The following SLC12A2 variants were observed in gnomAD, a reference collection of about 807,000 sequenced individuals.
SLC12A2 encodes Na-K-2Cl cotransporter 1.
SLC12A2 carries 67 observed loss-of-function variants against 136.3 expected under a neutral mutation model. That is an observed-to-expected ratio of 0.49 (90% confidence interval 0.40 to 0.60). The LOEUF (loss-of-function observed/expected upper bound fraction) is 0.60. Ranked by LOEUF, SLC12A2 falls within the 20% of genes least tolerant of loss-of-function variation. The pLI is 0.00. For missense variants in SLC12A2, 1,322 were observed against 1,534.7 expected, an observed-to-expected ratio of 0.86 and a Z score of 2.32; for synonymous variants, 619 against 562.9, an observed-to-expected ratio of 1.10 and a Z score of -1.41.
chr5:128,129,161 A>C (rs1017123068), intron 4 of SLC12A2, among the ~76,000 whole-genome samples: 1 of 152,060 alleles, frequency 6.6e-6, no homozygotes, highest in African/African-American at 2.4e-5. Flanking sequence ...TAATTTCAAT[A>C]ACTTTTCTTT....
intron 23 of SLC12A2, among the ~76,000 whole-genome samples, chr5:128,182,607 C>G (rs1226442034): frequency 6.6e-6 from 1 of 152,018 alleles, no homozygotes; most frequent in Non-Finnish European, 1.5e-5. Flanking sequence ...TTATTAATGT[C>G]TTTGTCCATT....
At chr5:128,184,728 T>C (rs771603299) in intron 25 of SLC12A2, 61 bp from the exon 26 acceptor site, 2 of 1,608,354 alleles carry the variant, frequency 1.2e-6, no homozygotes, top group Non-Finnish European at 8.5e-7. Context: ...TATAGTTTTA[T>C]GAACCATGCT....
At chr5:128,102,874 G>C (rs1183024136) in intron 1 of SLC12A2, among the ~76,000 whole-genome samples, 1 of 151,508 alleles carries the variant, frequency 6.6e-6, no homozygotes, top group Non-Finnish European at 1.5e-5. Flanking sequence ...CACTGGCCTT[G>C]GCCTCCCAAA....
chr5:128,089,150 A>T (rs1326866243), intron 1 of SLC12A2, among the ~76,000 whole-genome samples: 61 of 145,940 alleles, frequency 4.2e-4, no homozygotes, highest in Middle Eastern at 3.5e-3. Flanking sequence ...CCTGGGCAAC[A>T]AGAGCAAAAC....
chr5:128,174,358 C>T (rs1443962617), intron 19 of SLC12A2, among the ~76,000 whole-genome samples, 183 bp from the exon 20 acceptor site: 1 of 152,056 alleles, frequency 6.6e-6, no homozygotes, highest in East Asian at 1.9e-4. Flanking sequence ...CAACCTGTAA[C>T]CTAGTTGTGG....
chr5:128,134,137 TTATTA>T (rs768768307), intron 5 of SLC12A2, 23 bp from the exon 6 acceptor site: 1 of 1,184,654 alleles, frequency 8.4e-7, no homozygotes. Context: ...CTAGTATTGC[TTATTA>T]TATTTATGAT....
At chr5:128,113,356 C>T (rs959528639) in intron 2 of SLC12A2, among the ~76,000 whole-genome samples, 3 of 152,104 alleles carry the variant, frequency 2.0e-5, no homozygotes, top group Non-Finnish European at 4.4e-5. Context: ...CGAAGAGAAG[C>T]GTATGGAAGT....
intron 4 of SLC12A2, among the ~76,000 whole-genome samples, chr5:128,128,050 C>T (rs1432023354): frequency 6.6e-6 from 1 of 152,078 alleles, no homozygotes; most frequent in East Asian, 1.9e-4. Context: ...GTTATCAAAT[C>T]AGTTCAAAAT....
At chr5:128,119,649 G>A (rs1472038201) in intron 4 of SLC12A2, among the ~76,000 whole-genome samples, 1 of 152,156 alleles carries the variant, frequency 6.6e-6, no homozygotes, top group Admixed American at 6.5e-5. Context: ...TTGAAGTCAG[G>A]TAGTGTGATG....
At chr5:128,174,481 G>T in intron 19 of SLC12A2, 60 bp from the exon 20 acceptor site, 2 of 1,257,926 alleles carry the variant, frequency 1.6e-6, no homozygotes, top group Non-Finnish European at 2.2e-6. Flanking sequence ...AAACCATAAT[G>T]CCTTATTTAA....
At chr5:128,098,417 A>G (rs1188080709) in intron 1 of SLC12A2, among the ~76,000 whole-genome samples, 1 of 150,856 alleles carries the variant, frequency 6.6e-6, no homozygotes, top group Non-Finnish European at 1.5e-5. Context: ...CTGTTTTTGG[A>G]GTCTTTGTCT....
intron 11 of SLC12A2, 30 bp from the exon 12 acceptor site, chr5:128,148,724 A>G (rs1444552795): frequency 1.3e-6 from 2 of 1,539,164 alleles, no homozygotes; most frequent in Non-Finnish European, 8.7e-7. Flanking sequence ...TAATTTTAAT[A>G]TGTTTCATTT....
chr5:128,130,262 A>G (rs1208470301), intron 4 of SLC12A2, among the ~76,000 whole-genome samples: 1 of 152,072 alleles, frequency 6.6e-6, no homozygotes, highest in African/African-American at 2.4e-5. Flanking sequence ...TAATACAAAA[A>G]TCAGTCATGT....
Position 128,087,640 on chromosome 5 carries a change from A to G in SLC12A2, c.756+2930A>G, listed in dbSNP as rs574985679. On this transcript the variant is annotated intron_variant, in intron 1 of 26. Coordinates refer to ENST00000262461, the MANE Select transcript of SLC12A2 (RefSeq NM_001046.3). ...TATTTTTCATTATAAATGTAGTGGG[A>G]CGCTATTGAAGAATTTTGTGTGGGG... Among the ~76,000 whole-genome samples, 62 of 152,260 alleles carry G rather than the reference A, an allele frequency of 4.1e-4. 1 individual carries two copies. Among genetic ancestry groups the G allele is most frequent in the African/African-American group, 1.1e-3 (45 of 41,558 alleles).
chr5:128,133,420 A>G (rs1169973271), intron 5 of SLC12A2, among the ~76,000 whole-genome samples: 1 of 152,090 alleles, frequency 6.6e-6, no homozygotes, highest in African/African-American at 2.4e-5. Context: ...CTTTTATGAA[A>G]TAATTTCTTT....
At chr5:128,090,722 C>T (rs1182621151) in intron 1 of SLC12A2, among the ~76,000 whole-genome samples, 1 of 152,082 alleles carries the variant, frequency 6.6e-6, no homozygotes, top group Non-Finnish European at 1.5e-5. Context: ...AAAGGGGTGA[C>T]CCCCATGCAG....
chr5:128,145,611 G>T (rs1256668536), intron 10 of SLC12A2, among the ~76,000 whole-genome samples: 1 of 152,016 alleles, frequency 6.6e-6, no homozygotes, highest in East Asian at 1.9e-4. Flanking sequence ...TTAGAAGTCT[G>T]CTACTGTCTT....
At chr5:128,111,764 CAAAAAAA>C (rs374353989) in intron 1 of SLC12A2, among the ~76,000 whole-genome samples, 1 of 60,238 alleles carries the variant, frequency 1.7e-5, no homozygotes, top group African/African-American at 5.5e-5. Context: ...GACTCCATCT[CAAAAAAA>C]AAAAAAAAAA....
At chr5:128,153,866 G>A (rs994978830) in intron 15 of SLC12A2, among the ~76,000 whole-genome samples, 4 of 151,984 alleles carry the variant, frequency 2.6e-5, no homozygotes, top group African/African-American at 9.7e-5. Flanking sequence ...ACCACACGCA[G>A]GTCTTCAGCT....
Sources: gnomAD v4.1 joint callset for allele counts (sites outside exome capture counted in the v4.1 genomes callset) on GRCh38, gnomAD v4.1.1 for gene constraint, MANE v1.5 for transcripts, NCBI Gene and HGNC (gene_info 2026-07-23, HGNC 2026-07-21) for gene names.